The following KIAA1958 variants were observed in gnomAD, a reference collection of about 807,000 sequenced individuals.
KIAA1958 encodes KIAA1958.
KIAA1958 carries 14 observed loss-of-function variants against 47.2 expected under a neutral mutation model. The observed-to-expected ratio is 0.30, with a 90% CI of 0.20 to 0.46. The LOEUF (loss-of-function observed/expected upper bound fraction) is 0.46. Ranked by LOEUF, KIAA1958 falls within the 20% of genes least tolerant of loss-of-function variation. The probability of loss-of-function intolerance (pLI) is 1.00; values close to 1 mark genes in which losing one functional copy is unlikely to be tolerated. For missense variants in KIAA1958, 803 were observed against 909.2 expected (o/e 0.88, Z 1.50); for synonymous variants, 354 against 353.3 (o/e 1.00, Z -0.02).
intron 1 of KIAA1958, among the ~76,000 whole-genome samples, chr9:112,520,643 A>G (rs1201541857): frequency 6.6e-6 from 1 of 152,254 alleles, no homozygotes; most frequent in Non-Finnish European, 1.5e-5. Flanking sequence ...GTAATTATAC[A>G]CTGTAAGTGA....
chr9:112,554,755 T>C (rs1425936401), intron 1 of KIAA1958, among the ~76,000 whole-genome samples: 1 of 152,064 alleles, frequency 6.6e-6, no homozygotes, highest in East Asian at 1.9e-4. Context: ...GTGATTCCAC[T>C]GCACAGCCTG....
chr9:112,515,693 C>T (rs1257949565), intron 1 of KIAA1958, among the ~76,000 whole-genome samples: 3 of 72,670 alleles, frequency 4.1e-5, no homozygotes, highest in Non-Finnish European at 8.1e-5. Flanking sequence ...GCAGCATGCT[C>T]GTTAAGAGTC....
intron 1 of KIAA1958, among the ~76,000 whole-genome samples, chr9:112,490,301 A>G (rs1040596701): frequency 6.6e-6 from 1 of 151,592 alleles, no homozygotes; most frequent in African/African-American, 2.4e-5. Context: ...ACCTGCTCAT[A>G]ATATTTACTT....
At position 112,661,156 on chromosome 9, in the gene KIAA1958, A is replaced by T. The variant is rs992426535; in HGVS notation, c.*1087A>T. On this transcript the variant is annotated 3_prime_UTR_variant, in exon 4 of 4. Transcript: ENST00000337530. ...CACAATTACATGTCATCATTTTAGG[A>T]TGGCACCAATACTTGGGACACGATG... is the stretch of plus-strand genomic sequence containing the variant. 1.3e-5 allele frequency: 2 copies of T among 152,242 alleles called. No individual in the cohort carries two copies. The highest frequency in any genetic ancestry group is 4.8e-5 in the African/African-American group (2 of 41,462). 9.4% of individuals were successfully genotyped at this position (152,242 alleles called of 1,614,324 possible).
chr9:112,566,362 A>G (rs1164839171), intron 1 of KIAA1958, among the ~76,000 whole-genome samples: 1 of 152,200 alleles, frequency 6.6e-6, no homozygotes, highest in Non-Finnish European at 1.5e-5. Context: ...ACTATTGTAT[A>G]GTAGCTTCTA....
chr9:112,631,534 GAAAA>G (rs57805823), intron 2 of KIAA1958, among the ~76,000 whole-genome samples: 4 of 98,292 alleles, frequency 4.1e-5, no homozygotes, highest in Admixed American at 2.4e-4. Flanking sequence ...CTCTCTCAAA[GAAAA>G]AAAAAAAAAA....
At chr9:112,506,419 A>G (rs185514177) in intron 1 of KIAA1958, among the ~76,000 whole-genome samples, 2 of 152,290 alleles carry the variant, frequency 1.3e-5, no homozygotes, top group Admixed American at 6.5e-5. Flanking sequence ...TCACGCCACT[A>G]CACTCTAGCC....
chr9:112,554,483 A>C (rs1835207839), intron 1 of KIAA1958, among the ~76,000 whole-genome samples: 1 of 138,660 alleles, frequency 7.2e-6, no homozygotes, highest in Non-Finnish European at 1.5e-5. Flanking sequence ...GGGCGACAGA[A>C]TGAGTGAGAC....
chr9:112,624,584 T>C (rs1216472957), intron 2 of KIAA1958, among the ~76,000 whole-genome samples: 1 of 152,226 alleles, frequency 6.6e-6, no homozygotes. Flanking sequence ...TAATTTTACT[T>C]TTCTAAACAG....
intron 2 of KIAA1958, among the ~76,000 whole-genome samples, chr9:112,577,772 A>G (rs920073213): frequency 2.0e-4 from 17 of 84,532 alleles, no homozygotes; most frequent in Admixed American, 4.3e-4. Flanking sequence ...AATTCAGCCT[A>G]TTTGAAAAAA....
intron 2 of KIAA1958, among the ~76,000 whole-genome samples, chr9:112,584,536 T>C (rs1222166824): frequency 6.6e-6 from 1 of 152,238 alleles, no homozygotes; most frequent in Non-Finnish European, 1.5e-5. Context: ...TATTTGTTTA[T>C]GGACAAGGAA....
chr9:112,661,583 TAAA>T lies in KIAA1958; in HGVS notation c.*1518_*1520del, dbSNP rs1260623591. ...TATTTATTTTAATTAATTGGTTTCT[TAAA>T]AAATCATACACTAGTCATTGACATA... On this transcript the variant is annotated 3_prime_UTR_variant, in exon 4 of 4. Coordinates refer to ENST00000337530, the MANE Select transcript of KIAA1958 (RefSeq NM_133465.4). 2 of 152,210 alleles carry T rather than the reference TAAA, an allele frequency of 1.3e-5. No individual in the cohort carries two copies. The highest frequency in any genetic ancestry group is 4.8e-5 in the African/African-American group (2 of 41,458). 9.4% of individuals were successfully genotyped at this position (152,210 alleles called of 1,614,324 possible).
At chr9:112,624,168 C>T (rs1408445746) in intron 2 of KIAA1958, among the ~76,000 whole-genome samples, 1 of 152,132 alleles carries the variant, frequency 6.6e-6, no homozygotes, top group Non-Finnish European at 1.5e-5. Context: ...AAAATAGTTA[C>T]AAGTACTGAA....
At chr9:112,563,775 A>G (rs1835377782) in intron 1 of KIAA1958, among the ~76,000 whole-genome samples, 1 of 152,180 alleles carries the variant, frequency 6.6e-6, no homozygotes, top group Non-Finnish European at 1.5e-5. Flanking sequence ...ATGTTGAATA[A>G]GAGTGATACA....
At chr9:112,507,857 TC>T (rs1834257559) in intron 1 of KIAA1958, among the ~76,000 whole-genome samples, 1 of 152,056 alleles carries the variant, frequency 6.6e-6, no homozygotes, top group Non-Finnish European at 1.5e-5. Context: ...GGTCTTGACT[TC>T]CTGGGCTCAA....
intron 2 of KIAA1958, among the ~76,000 whole-genome samples, chr9:112,591,306 G>A (rs1293052798): frequency 1.3e-5 from 2 of 151,920 alleles, no homozygotes; most frequent in African/African-American, 2.4e-5. Flanking sequence ...GGATGGTCTC[G>A]ATCTCCTGAC....
rs922567570 is a variant in KIAA1958 at position 112,618,496 on chromosome 9, G to A, written c.1172-27154G>A. 5 of 1,550,582 alleles carry A rather than the reference G, an allele frequency of 3.2e-6. No homozygotes were observed. Among genetic ancestry groups the A allele is most frequent in the Non-Finnish European group, 4.4e-6 (5 of 1,147,024 alleles). On this transcript the variant is annotated intron_variant, in intron 2 of 3. Transcript: ENST00000337530. This position sits in a 1 kb window ranked among gnomAD's most constrained non-coding sequence, Gnocchi z 7.1. ...ACTTGAATGCCAAAACCAAGAGAGG[G>A]GGGACAGACTCCCGTGTGTATGCCA...
chr9:112,635,083 TAA>T (rs1836780146), intron 2 of KIAA1958, among the ~76,000 whole-genome samples: 1 of 152,212 alleles, frequency 6.6e-6, no homozygotes, highest in African/African-American at 2.4e-5. Flanking sequence ...TATTTTTATA[TAA>T]AAGTTATGCA....
chr9:112,592,661 A>G (rs906895773), intron 2 of KIAA1958, among the ~76,000 whole-genome samples: 1 of 152,226 alleles, frequency 6.6e-6, no homozygotes, highest in Non-Finnish European at 1.5e-5. Context: ...TGGGAATTGT[A>G]GTTTTTATTT....
Sources: allele counts gnomAD v4.1 joint callset (sites outside exome capture counted in the v4.1 genomes callset), GRCh38; gene constraint gnomAD v4.1.1; non-coding constraint Gnocchi (gnomAD v3.1); transcripts MANE v1.5; gene names NCBI Gene and HGNC (gene_info 2026-07-23, HGNC 2026-07-21).